Variants in KCNJ2 observed in about 807,000 individuals in gnomAD.
KCNJ2 encodes inward rectifier potassium channel 2.
Under a neutral mutation model 28.4 loss-of-function variants are expected in KCNJ2, and 12 were observed. The ratio of observed to expected loss-of-function variants is 0.42; its 90% CI spans 0.27 to 0.68. KCNJ2 has a LOEUF of 0.68. Ranked by LOEUF, KCNJ2 falls within the 30% of genes least tolerant of loss-of-function variation. The probability of loss-of-function intolerance (pLI) is 0.23; values close to 1 mark genes in which losing one functional copy is unlikely to be tolerated. For synonymous variants in KCNJ2, 200 were observed against 203.2 expected, an observed-to-expected ratio of 0.98 and a Z score of 0.13; for missense variants, 320 against 551.3, an observed-to-expected ratio of 0.58 and a Z score of 4.20.
At position 70,175,061 on chromosome 17, in the gene KCNJ2, C is replaced by A; in HGVS notation, c.22C>A (p.Arg8Ser). The change falls in exon 2 of 2, where the codon CGC (arginine) becomes AGC (serine). Residue 8 changes from arginine (R) to serine (S), a missense_variant. By Grantham distance (110) the Arg-to-Ser change is moderately radical. This residue lies in a region of KCNJ2 where 54 missense variants were observed against 63.0 expected (regional missense o/e 0.86). Transcript: ENST00000243457. The surrounding 1 kb of genome is among the most constrained non-coding windows in gnomAD (Gnocchi z 8.3). MGSVRTNRYSIVSSEEDG... is the reference protein window; with the variant it reads MGSVRTNSYSIVSSEEDG... ...AGCGATGGGCAGTGTGCGAACCAAC[C>A]GCTACAGCATCGTCTCTTCAGAAGA... 6.2e-7 allele frequency: 1 copy of A among 1,614,106 alleles called. No homozygotes were observed. Among genetic ancestry groups the A allele is most frequent in the Non-Finnish European group, 8.5e-7 (1 of 1,180,006 alleles).
At chr17:70,174,666 C>T (rs975044407) in intron 1 of KCNJ2, among the ~76,000 whole-genome samples, 158 bp from the exon 2 acceptor site, 1 of 152,180 alleles carries the variant, frequency 6.6e-6, no homozygotes, top group Non-Finnish European at 1.5e-5. Context: ...TTTTACAAAG[C>T]ATGCTTAGGA....
In KCNJ2 at chr17:70,175,354, G is replaced by A; in HGVS notation, c.315G>A (p.Leu105=). 1 of 1,614,184 alleles carries A rather than the reference G, an allele frequency of 6.2e-7. No homozygotes were observed. Among genetic ancestry groups the A allele is most frequent in the Middle Eastern group, 1.6e-4 (1 of 6,062 alleles). The change falls in exon 2 of 2, where the codon TTG becomes TTA. Residue 105 remains leucine, a synonymous_variant. Coordinates refer to ENST00000243457, the MANE Select transcript of KCNJ2 (RefSeq NM_000891.3). The surrounding 1 kb of genome is among the most constrained non-coding windows in gnomAD (Gnocchi z 8.3). The stretch of plus-strand genomic sequence containing the variant: ...TGTTTTTTGGCTGTGTGTTTTGGTT[G>A]ATAGCTCTGCTCCATGGGGACCTGG... The part of the protein sequence containing the change: ...SWLFFGCVFW[L]IALLHGDLDA...
rs2074402679 is a variant in KCNJ2 at position 70,177,654 on chromosome 17, A to G, written c.*1331A>G. 6.0e-6 allele frequency: 1 copy of G among 167,236 alleles called. No homozygotes were observed. The highest frequency in any genetic ancestry group is 1.5e-5 in the Non-Finnish European group (1 of 68,214). 10.4% of individuals were successfully genotyped at this position (167,236 alleles called of 1,614,324 possible). ...AGTGTCAGATAGGGCGGCAAATGCC[A>G]AAGCAGGGAAACAGGGAGGTGTGGA... On this transcript the variant is annotated 3_prime_UTR_variant, in exon 2 of 2. Transcript: ENST00000243457.
intron 1 of KCNJ2, among the ~76,000 whole-genome samples, chr17:70,173,974 G>C (rs2074378173): frequency 6.6e-6 from 1 of 152,212 alleles, no homozygotes; most frequent in African/African-American, 2.4e-5. Context: ...CATCTTCAGA[G>C]TCTTCAAGCC....
intron 1 of KCNJ2, among the ~76,000 whole-genome samples, chr17:70,171,501 T>C (rs2074364744): frequency 6.6e-6 from 1 of 152,058 alleles, no homozygotes; most frequent in Admixed American, 6.5e-5. Flanking sequence ...ACCATGACCA[T>C]ATTACAGGAC....
chr17:70,175,677 G>A lies in KCNJ2; in HGVS notation c.638G>A (p.Arg213Gln), dbSNP rs1277440117. 6 of 1,614,100 alleles carry A rather than the reference G, an allele frequency of 3.7e-6. No homozygotes were observed. Among genetic ancestry groups the A allele is most frequent in the East Asian group, 2.2e-5 (1 of 44,880 alleles). ...GACGGCAAGCTGTGTTTGATGTGGC[G>A]AGTGGGCAATCTTCGGAAAAGCCAC... ...MRDGKLCLMWRVGNLRKSHLV... is the reference protein window; with the variant it reads ...MRDGKLCLMWQVGNLRKSHLV... Residue 213 changes from arginine (R) to glutamine (Q), a missense_variant, in exon 2 of 2, where the codon CGA (arginine) becomes CAA (glutamine). Arg to Gln is a conservative substitution (Grantham distance 43, BLOSUM62 1). Around this residue, in one of 3 missense-constraint regions of KCNJ2, gnomAD observed 111 missense variants for 256.7 expected, o/e 0.43. Transcript: ENST00000243457. The surrounding 1 kb of genome is among the most constrained non-coding windows in gnomAD (Gnocchi z 8.3).
chr17:70,176,066 A>G lies in KCNJ2; in HGVS notation c.1027A>G (p.Arg343Gly). The G allele has an allele frequency of 6.2e-7, 1 of 1,614,182 alleles. No homozygotes were observed. The highest frequency in any genetic ancestry group is 8.5e-7 in the Non-Finnish European group (1 of 1,180,034). ...GCACTACTACAAAGTGGACTATTCC[A>G]GGTTCCACAAAACTTACGAAGTCCC... ...EKHYYKVDYSRFHKTYEVPNT... is the reference protein window; with the variant it reads ...EKHYYKVDYSGFHKTYEVPNT... The change falls in exon 2 of 2, where the codon AGG becomes GGG. Residue 343 changes from arginine (R) to glycine (G), a missense_variant. This residue lies in a region of KCNJ2 where 155 missense variants were observed against 231.6 expected (regional missense o/e 0.67). Transcript: ENST00000243457.
chr17:70,170,985 AAC>A (rs2074362439), intron 1 of KCNJ2, among the ~76,000 whole-genome samples: 1 of 152,218 alleles, frequency 6.6e-6, no homozygotes, highest in Non-Finnish European at 1.5e-5. Context: ...AAAATAAAAG[AAC>A]ACAGTCTTTC....
chr17:70,177,062 A>C lies in KCNJ2; in HGVS notation c.*739A>C, dbSNP rs1275993289. ...TACCAAAGATAATGCATATTTTTGC[A>C]CAGTGGAGCTTACACTTAAAAGAAA... On this transcript the variant is annotated 3_prime_UTR_variant, in exon 2 of 2. Coordinates refer to ENST00000243457, the MANE Select transcript of KCNJ2 (RefSeq NM_000891.3). The C allele has an allele frequency of 6.0e-6, 1 of 167,278 alleles. No individual in the cohort carries two copies. Among genetic ancestry groups the C allele is most frequent in the Non-Finnish European group, 1.5e-5 (1 of 68,292 alleles). 10.4% of individuals were successfully genotyped at this position (167,278 alleles called of 1,614,324 possible). A position where few individuals can be genotyped will look rare whatever the true frequency, so the allele number is the denominator to read the frequency against.
chr17:70,170,254 G>C (rs758836429), intron 1 of KCNJ2, among the ~76,000 whole-genome samples: 9 of 152,064 alleles, frequency 5.9e-5, no homozygotes, highest in Non-Finnish European at 1.2e-4. Flanking sequence ...AGAAGAGCGG[G>C]AGCCCGAGTT....
At chr17:70,171,873 A>G (rs2074366851) in intron 1 of KCNJ2, among the ~76,000 whole-genome samples, 1 of 152,192 alleles carries the variant, frequency 6.6e-6, no homozygotes, top group Non-Finnish European at 1.5e-5. Flanking sequence ...GCTGGAAGGG[A>G]GATTTACACA....
rs1226164782 is a variant in KCNJ2 at position 70,178,003 on chromosome 17, T to C, written c.*1680T>C. The C allele has an allele frequency of 6.2e-6, 1 of 160,964 alleles. No homozygotes were observed. Among genetic ancestry groups the C allele is most frequent in the Non-Finnish European group, 1.5e-5 (1 of 67,932 alleles). The allele number at this position is 160,964 out of a possible 1,614,324, so 10.0% of individuals were successfully genotyped here. On this transcript the variant is annotated 3_prime_UTR_variant, in exon 2 of 2. Transcript: ENST00000243457. The stretch of plus-strand genomic sequence containing the variant: ...TGCTAGAAACATAATTTTTTTTTTC[T>C]CACTGAAGCTCAATAATGGAACTCT...
chr17:70,174,145 G>T (rs2074378970), intron 1 of KCNJ2, among the ~76,000 whole-genome samples: 1 of 152,138 alleles, frequency 6.6e-6, no homozygotes, highest in African/African-American at 2.4e-5. Context: ...AGGAGGTTTT[G>T]TCCACTAGTT....
chr17:70,172,629 G>T (rs1482439156), intron 1 of KCNJ2, among the ~76,000 whole-genome samples: 4 of 152,130 alleles, frequency 2.6e-5, no homozygotes, highest in Admixed American at 6.5e-5. Flanking sequence ...ACAGAAATAA[G>T]TCAGAAGAAA....
Position 70,174,973 on chromosome 17 carries a change from C to T in KCNJ2, c.-67C>T. On this transcript the variant is annotated 5_prime_UTR_variant, in exon 2 of 2. Transcript: ENST00000243457. ...TCACCGAACATTCAAAACTGTTTCT[C>T]CAAAGCGTTTTGCAAAAACTCAGAC... 2 of 1,505,542 alleles carry T rather than the reference C, an allele frequency of 1.3e-6. No individual in the cohort carries two copies. Among genetic ancestry groups the T allele is most frequent in the South Asian group, 1.2e-5 (1 of 86,812 alleles). The allele number at this position is 1,505,542 out of a possible 1,614,324, so 93.3% of individuals were successfully genotyped here.
Position 70,174,846 on chromosome 17 carries a change from T to A in KCNJ2, c.-194T>A. On this transcript the variant is annotated 5_prime_UTR_variant, in exon 2 of 2. It removes the in-frame stop codon of an upstream open reading frame in the 5' UTR. Coordinates refer to ENST00000243457, the MANE Select transcript of KCNJ2 (RefSeq NM_000891.3). ...CAGGACATGTTCTCTGGATGTCAGC[T>A]GAGTCATTAAAGTAACTCTGCATGT... 1 of 648,504 alleles carries A rather than the reference T, an allele frequency of 1.5e-6. No homozygotes were observed. The highest frequency in any genetic ancestry group is 1.7e-5 in the South Asian group (1 of 58,130). The allele number at this position is 648,504 out of a possible 1,614,324, so 40.2% of individuals were successfully genotyped here.
At position 70,176,328 on chromosome 17, in the gene KCNJ2, C is replaced by G; in HGVS notation, c.*5C>G. 1.2e-6 allele frequency: 2 copies of G among 1,612,528 alleles called. No homozygotes were observed. The highest frequency in any genetic ancestry group is 1.7e-6 in the Non-Finnish European group (2 of 1,178,580). ...CGGCGAGAGTCGGAGATATGACTGA[C>G]TGATTCCTTCTCTGGAATAGTTACT... is the stretch of plus-strand genomic sequence containing the variant. On this transcript the variant is annotated 3_prime_UTR_variant, in exon 2 of 2. Coordinates refer to ENST00000243457, the MANE Select transcript of KCNJ2 (RefSeq NM_000891.3).
chr17:70,176,135 T>C lies in KCNJ2; in HGVS notation c.1096T>C (p.Tyr366His). Reference protein sequence around the residue: ...CSARDLAEKKYILSNANSFCY... With the variant: ...CSARDLAEKKHILSNANSFCY... ...TGCCAGAGACTTAGCAGAAAAGAAA[T>C]ATATCCTCTCAAATGCAAATTCATT... Residue 366 changes from tyrosine to histidine, a missense_variant, in exon 2 of 2, where the codon TAT becomes CAT. Physicochemically the swap from Tyr to His is moderately conservative, Grantham distance 83. Around this residue, in one of 3 missense-constraint regions of KCNJ2, gnomAD observed 155 missense variants for 231.6 expected, o/e 0.67. Transcript: ENST00000243457. 1 of 1,613,766 alleles carries C rather than the reference T, an allele frequency of 6.2e-7. No homozygotes were observed. The highest frequency in any genetic ancestry group is 8.5e-7 in the Non-Finnish European group (1 of 1,179,988).
chr17:70,179,777 A>G lies in KCNJ2; in HGVS notation c.*3454A>G, dbSNP rs918743809. ...CTGTGTCTAATAATGTTAAGGTGGGAAAAAAAAAAGTGTGGCATAGCTACC... is the reference window on the plus strand; with the variant it reads ...CTGTGTCTAATAATGTTAAGGTGGGGAAAAAAAAAGTGTGGCATAGCTACC... On this transcript the variant is annotated 3_prime_UTR_variant, in exon 2 of 2. Transcript: ENST00000243457. 3 of 161,726 alleles carry G rather than the reference A, an allele frequency of 1.9e-5. No individual in the cohort carries two copies. Among genetic ancestry groups the G allele is most frequent in the African/African-American group, 7.4e-5 (3 of 40,814 alleles). The allele number at this position is 161,726 out of a possible 1,614,324, so 10.0% of individuals were successfully genotyped here. A position where few individuals can be genotyped will look rare whatever the true frequency, so the allele number is the denominator to read the frequency against.
Sources: gnomAD v4.1 joint callset for allele counts (sites outside exome capture counted in the v4.1 genomes callset) on GRCh38, gnomAD v4.1.1 for gene constraint, gnomAD v4.1.1 regional missense constraint, Gnocchi (gnomAD v3.1) non-coding constraint, MANE v1.5 for transcripts, NCBI Gene and HGNC (gene_info 2026-07-23, HGNC 2026-07-21) for gene names.